Variants in MSN observed in about 807,000 individuals in gnomAD.
MSN encodes the protein epididymis luminal protein 70.
In MSN, 2 loss-of-function variants were observed where a neutral mutation model predicts 48.0. That is an observed-to-expected ratio of 0.04 (90% CI 0.02 to 0.13). MSN has a LOEUF of 0.13. MSN is among the 10% of genes least tolerant of loss of function. The probability of loss-of-function intolerance (pLI) is 1.00; values close to 1 mark genes in which losing one functional copy is unlikely to be tolerated. For missense variants in MSN, 267 were observed against 470.1 expected, an observed-to-expected ratio of 0.57 and a Z score of 3.99; for synonymous variants, 146 against 166.9, an observed-to-expected ratio of 0.87 and a Z score of 0.97.
intron 1 of MSN, among the ~76,000 whole-genome samples, chrX:65,680,296 A>G (rs1446027809): frequency 8.9e-6 from 1 of 112,107 alleles, no homozygotes; most frequent in Non-Finnish European, 1.9e-5. Context: ...TATCTCATAT[A>G]TGTACCTTAG....
upstream of MSN, among the ~76,000 whole-genome samples, chrX:65,664,901 C>T (rs2070855539): frequency 9.1e-6 from 1 of 110,042 alleles, no homozygotes. Context: ...AGGCACATGC[C>T]ACCACACCCA....
At chrX:65,627,049 C>T (rs1451362174) in intron 1 of MSN, among the ~76,000 whole-genome samples, 1 of 111,060 alleles carries the variant, frequency 9.0e-6, no homozygotes, top group Non-Finnish European at 1.9e-5. Context: ...GCCTTTTTTC[C>T]CTTTTTTCCT....
Position 65,727,815 on chromosome X carries a change from T to C in MSN, c.98T>C (p.Val33Ala). 8.3e-7 allele frequency: 1 copy of C among 1,206,782 alleles called. No homozygotes were observed. The highest frequency in any genetic ancestry group is 1.8e-5 in the South Asian group (1 of 56,824). ...NTTGKQLFDQ[V>A]VKTIGLREVW... ...GGTTGTTTTGGTTTTCTCTTCTAGG[T>C]GGTGAAAACTATTGGCTTGAGGGAA... The change falls in exon 3 of 13, where the codon GTG becomes GCG. Residue 33 changes from valine to alanine, a missense_variant and splice_region_variant. By Grantham distance (64) the Val-to-Ala change is moderately conservative. Transcript: ENST00000360270.
chrX:65,688,276 C>T (rs911541227), intron 1 of MSN, among the ~76,000 whole-genome samples: 1 of 112,089 alleles, frequency 8.9e-6, no homozygotes, highest in Non-Finnish European at 1.9e-5. Flanking sequence ...CAGGGTTTCA[C>T]TGTGTTGGCC....
chrX:65,706,260 T>C (rs2071360321), intron 1 of MSN, among the ~76,000 whole-genome samples: 1 of 112,012 alleles, frequency 8.9e-6, no homozygotes, highest in Non-Finnish European at 1.9e-5. Context: ...TGGTGGGAAC[T>C]GGAGCCTAAA....
At chrX:65,600,698 T>C (rs1410709424) in intron 1 of MSN, 1 of 111,684 alleles carries the variant, frequency 9.0e-6, no homozygotes, top group Non-Finnish European at 1.9e-5. Flanking sequence ...ACTGGGAATC[T>C]TTTTTGCAAA....
At chrX:65,687,400 C>T (rs1459184373) in intron 1 of MSN, among the ~76,000 whole-genome samples, 2 of 111,800 alleles carry the variant, frequency 1.8e-5, no homozygotes, top group Non-Finnish European at 3.8e-5. Flanking sequence ...CTCTTCTCAG[C>T]TACCTGTGGA....
intron 1 of MSN, among the ~76,000 whole-genome samples, chrX:65,660,067 A>G (rs1034702681): frequency 2.3e-4 from 26 of 111,583 alleles, no homozygotes; most frequent in Admixed American, 2.3e-3. Flanking sequence ...TTAAAGAACA[A>G]GATAGCACCT....
At chrX:65,676,072 C>G (rs2070995788) in intron 1 of MSN, among the ~76,000 whole-genome samples, 1 of 112,804 alleles carries the variant, frequency 8.9e-6, no homozygotes, top group Admixed American at 9.4e-5. Context: ...AGCCTAGAAA[C>G]AGCTTTTAAT....
chrX:65,625,439 C>T (rs2148362698), intron 1 of MSN: 1 of 111,914 alleles, frequency 8.9e-6, no homozygotes, highest in South Asian at 3.7e-4. Context: ...CAGCTTATTT[C>T]ATATTTTGAG....
chrX:65,621,012 A>G (rs2070438451), intron 1 of MSN, among the ~76,000 whole-genome samples: 1 of 102,299 alleles, frequency 9.8e-6, no homozygotes, highest in Non-Finnish European at 2.0e-5. Flanking sequence ...GGCAACCTCC[A>G]CCTCCCAGGT....
At chrX:65,694,151 A>G (rs1218662666) in intron 1 of MSN, among the ~76,000 whole-genome samples, 2 of 111,069 alleles carry the variant, frequency 1.8e-5, no homozygotes, top group East Asian at 5.6e-4. Context: ...AGAGCTCAAG[A>G]GTATGAGTAT....
At chrX:65,706,678 G>A (rs1282799557) in intron 1 of MSN, among the ~76,000 whole-genome samples, 1 of 112,069 alleles carries the variant, frequency 8.9e-6, no homozygotes, top group Non-Finnish European at 1.9e-5. Context: ...TGGAGTTGTG[G>A]AAGGAGCTCC....
chrX:65,619,217 T>G (rs1434095995), intron 1 of MSN, among the ~76,000 whole-genome samples: 1 of 103,645 alleles, frequency 9.6e-6, no homozygotes, highest in Non-Finnish European at 1.9e-5. Flanking sequence ...AGTATCTTCG[T>G]GGCATTCTCT....
At chrX:65,709,382 A>C (rs750765228) in intron 1 of MSN, among the ~76,000 whole-genome samples, 1 of 112,549 alleles carries the variant, frequency 8.9e-6, no homozygotes, top group Non-Finnish European at 1.9e-5. Flanking sequence ...ATTTATCTCC[A>C]CATTGAAGTT....
chrX:65,691,387 T>A (rs1487043139), intron 1 of MSN, among the ~76,000 whole-genome samples: 1 of 112,231 alleles, frequency 8.9e-6, no homozygotes, highest in Admixed American at 9.4e-5. Context: ...AAGGGCTGCA[T>A]CCACAGTTGG....
chrX:65,612,260 C>G (rs2070326630), intron 1 of MSN, among the ~76,000 whole-genome samples: 1 of 111,042 alleles, frequency 9.0e-6, no homozygotes, highest in Admixed American at 9.7e-5. Flanking sequence ...CCTCTCTTGC[C>G]CTCTAGCCTT....
At chrX:65,616,819 T>G (rs1295228868) in intron 1 of MSN, among the ~76,000 whole-genome samples, 2 of 110,053 alleles carry the variant, frequency 1.8e-5, no homozygotes, top group Non-Finnish European at 3.8e-5. Flanking sequence ...TTTTTTCCCA[T>G]TCAGTATGAT....
intron 1 of MSN, among the ~76,000 whole-genome samples, chrX:65,599,823 A>T (rs781187575): frequency 9.0e-6 from 1 of 110,879 alleles, no homozygotes; most frequent in South Asian, 3.9e-4. Context: ...CCCATGAATG[A>T]CAGGTGTCTG....
Sources: allele counts gnomAD v4.1 joint callset (sites outside exome capture counted in the v4.1 genomes callset), GRCh38; gene constraint gnomAD v4.1.1; transcripts MANE v1.5; gene names NCBI Gene and HGNC (gene_info 2026-07-23, HGNC 2026-07-21).